BICC1: variants seen among roughly 807,000 people sequenced by gnomAD.
BICC1 encodes BicC family RNA binding protein 1, also known as protein bicaudal C homolog 1.
A neutral mutation model predicts 111.0 loss-of-function variants in BICC1; 43 were observed. The observed-to-expected ratio is 0.39, with a 90% CI of 0.30 to 0.50. BICC1 has a LOEUF of 0.50. Among genes scored for constraint, BICC1 ranks in the 20% least tolerant of loss-of-function variants. The pLI, the probability that BICC1 is intolerant of heterozygous loss-of-function variation, is 0.88. For synonymous variants in BICC1, 467 were observed against 434.4 expected (o/e 1.07, Z -0.93); for missense variants, 1,091 against 1,203.2 (o/e 0.91, Z 1.38).
intron 3 of BICC1, among the ~76,000 whole-genome samples, chr10:58,737,479 T>G (rs1047869936): frequency 3.3e-5 from 5 of 152,340 alleles, no homozygotes; most frequent in Admixed American, 6.5e-5. Context: ...GTGCAACATT[T>G]TCTTAATTCA....
At chr10:58,640,416 T>A (rs1341438229) in intron 2 of BICC1, among the ~76,000 whole-genome samples, 2 of 152,178 alleles carry the variant, frequency 1.3e-5, no homozygotes, top group African/African-American at 4.8e-5. Flanking sequence ...GAAAGCTGCA[T>A]TGTGGCTTTT....
At chr10:58,614,122 A>G (rs1264843114) in intron 1 of BICC1, among the ~76,000 whole-genome samples, 3 of 152,148 alleles carry the variant, frequency 2.0e-5, no homozygotes, top group African/African-American at 7.2e-5. Context: ...TAGACTCTCA[A>G]ATTTGGGCTC....
rs779823570 is a variant in BICC1, at chr10:58,803,038, A to C, written c.2016-39A>C. Reference sequence around the variant, plus strand: ...TAGGAAACATTCAGTACATTTGTATATATAGTGGAGTGTTAAATTCCACAC... The same window carrying C: ...TAGGAAACATTCAGTACATTTGTATCTATAGTGGAGTGTTAAATTCCACAC... On this transcript the variant is annotated intron_variant, in intron 14 of 20. Coordinates refer to ENST00000373886, the MANE Select transcript of BICC1 (RefSeq NM_001080512.3). 4.9e-5 allele frequency: 75 copies of C among 1,526,924 alleles called. 1 individual carries two copies. The African/African-American group carries it at 7.7e-4, about 16-fold the overall frequency. The allele number at this position is 1,526,924 out of a possible 1,614,324, so 94.6% of individuals were successfully genotyped here.
chr10:58,734,992 A>G (rs1319394654), intron 3 of BICC1, among the ~76,000 whole-genome samples: 2 of 152,192 alleles, frequency 1.3e-5, no homozygotes, highest in Admixed American at 6.5e-5. Flanking sequence ...TGCAAATTCT[A>G]TTAATAGTTC....
chr10:58,593,743 T>C (rs1215990817), intron 1 of BICC1, among the ~76,000 whole-genome samples: 1 of 151,980 alleles, frequency 6.6e-6, no homozygotes, highest in Non-Finnish European at 1.5e-5. Context: ...ACACCAAAGG[T>C]AGATAAATCC....
chr10:58,809,445 G>A (rs368295490), intron 17 of BICC1, among the ~76,000 whole-genome samples: 9 of 151,906 alleles, frequency 5.9e-5, no homozygotes, highest in South Asian at 2.1e-4. Flanking sequence ...TCACCATGTC[G>A]CCAAGGCTGG....
chr10:58,817,657 G>C lies in BICC1; in HGVS notation c.2629G>C (p.Asp877His). The part of the protein sequence containing the change: ...CNLNSSFKGS[D>H]LPELFSKLGL... ...CTTAAATAGCTCTTTCAAAGGTTCTGACCTCCCTGAGCTCTTCAGCAAACT... is the reference window on the plus strand; with the variant it reads ...CTTAAATAGCTCTTTCAAAGGTTCTCACCTCCCTGAGCTCTTCAGCAAACT... Residue 877 changes from aspartate (D) to histidine (H), a missense_variant, in exon 19 of 21, where the codon GAC (aspartate) becomes CAC (histidine). Coordinates refer to ENST00000373886, the MANE Select transcript of BICC1 (RefSeq NM_001080512.3). 1 of 1,613,504 alleles carries C rather than the reference G, an allele frequency of 6.2e-7. No homozygotes were observed. Among genetic ancestry groups the C allele is most frequent in the Non-Finnish European group, 8.5e-7 (1 of 1,179,638 alleles).
At chr10:58,653,351 GTTT>G (rs1838511773) in intron 2 of BICC1, among the ~76,000 whole-genome samples, 3 of 152,058 alleles carry the variant, frequency 2.0e-5, no homozygotes, top group Non-Finnish European at 4.4e-5. Context: ...GGTGGGTCTG[GTTT>G]GTTTTCAGTT....
intron 3 of BICC1, among the ~76,000 whole-genome samples, chr10:58,778,190 G>A (rs1207769566): frequency 6.6e-6 from 1 of 152,096 alleles, no homozygotes; most frequent in East Asian, 1.9e-4. Context: ...ACCAGCCTGG[G>A]TGACAGAACA....
At chr10:58,620,995 T>G in intron 2 of BICC1, 94 bp downstream of exon 2, 1 of 1,039,750 alleles carries the variant, frequency 9.6e-7, no homozygotes, top group East Asian at 2.5e-5. Context: ...CTCCCCTTCA[T>G]GTGGAGGAGA....
intron 2 of BICC1, among the ~76,000 whole-genome samples, chr10:58,631,832 A>T (rs1425587686): frequency 6.6e-6 from 1 of 152,260 alleles, no homozygotes; most frequent in African/African-American, 2.4e-5. Flanking sequence ...CTTAATCTCC[A>T]GTGAATAAGA....
intron 3 of BICC1, among the ~76,000 whole-genome samples, chr10:58,748,582 T>C (rs201327895): frequency 3.7e-4 from 10 of 27,148 alleles, no homozygotes; most frequent in Non-Finnish European, 1.3e-3. Context: ...AAACCTGTTC[T>C]GGTATAGTAG....
rs879547814 is a variant in BICC1 at position 58,769,402 on chromosome 10, G to GTATATATATATATA, written c.308-15598_308-15597insATATATATATATAT. 7.0e-3 allele frequency among the ~76,000 whole-genome samples: 786 copies of GTATATATATATATA among 112,018 alleles called. 13 individuals are homozygous for GTATATATATATATA. Among genetic ancestry groups the GTATATATATATATA allele is most frequent in the East Asian group, 0.022 (69 of 3,190 alleles). The allele number at this position is 112,018 out of a possible 152,430, so 73.5% of individuals were successfully genotyped here. A position where few individuals can be genotyped will look rare whatever the true frequency, so the allele number is the denominator to read the frequency against. On this transcript the variant is annotated intron_variant, in intron 3 of 20. Transcript: ENST00000373886. The stretch of plus-strand genomic sequence containing the variant: ...TGTGTGTGTGTGTGTGTGTGTGTGT[G>GTATATATATATATA]TGTATATATATATATATATATATAA...
At chr10:58,745,271 C>T (rs377383624) in intron 3 of BICC1, among the ~76,000 whole-genome samples, 23 of 152,108 alleles carry the variant, frequency 1.5e-4, no homozygotes, top group East Asian at 7.7e-4. Flanking sequence ...ATGCTGGTTC[C>T]GCCACTTATT....
chr10:58,578,201 G>A (rs145305592), intron 1 of BICC1, among the ~76,000 whole-genome samples: 2 of 152,260 alleles, frequency 1.3e-5, no homozygotes, highest in East Asian at 1.9e-4. Context: ...TTCATTTCCT[G>A]TGTGTCATTT....
intron 1 of BICC1, among the ~76,000 whole-genome samples, chr10:58,604,299 G>A (rs1845137988): frequency 6.6e-6 from 1 of 152,098 alleles, no homozygotes. Flanking sequence ...TAGTCTGTTT[G>A]ATATTTAGAC....
At chr10:58,539,845 G>C (rs1293878947) in intron 1 of BICC1, among the ~76,000 whole-genome samples, 2 of 151,858 alleles carry the variant, frequency 1.3e-5, no homozygotes, top group Non-Finnish European at 2.9e-5. Flanking sequence ...CTTTTCAAGT[G>C]CACTAGGAGC....
intron 3 of BICC1, among the ~76,000 whole-genome samples, chr10:58,732,365 G>A (rs1841329547): frequency 1.0e-5 from 1 of 100,082 alleles, no homozygotes; most frequent in Non-Finnish European, 1.8e-5. Flanking sequence ...GTGTGTGTGT[G>A]TGTGTGTGTG....
intron 1 of BICC1, among the ~76,000 whole-genome samples, chr10:58,550,199 T>G (rs1843258891): frequency 6.6e-6 from 1 of 152,046 alleles, no homozygotes; most frequent in South Asian, 2.1e-4. Flanking sequence ...TTTCAAATAT[T>G]TTTGTAGAGA....
Sources: allele counts gnomAD v4.1 joint callset (sites outside exome capture counted in the v4.1 genomes callset), GRCh38; gene constraint gnomAD v4.1.1; transcripts MANE v1.5; gene names NCBI Gene and HGNC (gene_info 2026-07-23, HGNC 2026-07-21).